MANBAL: variants seen among roughly 807,000 people sequenced by gnomAD.
The protein encoded by MANBAL is protein MANBAL.
MANBAL carries 1 observed loss-of-function variant against 6.4 expected under a neutral mutation model. The observed-to-expected ratio is 0.16, with a 90% CI of 0.06 to 0.74. The LOEUF (loss-of-function observed/expected upper bound fraction) is 0.74, where lower values mean the gene tolerates loss of function less well. MANBAL is among the 30% of genes least tolerant of loss of function. MANBAL has a pLI of 0.78. For synonymous variants in MANBAL, 47 were observed against 45.8 expected (o/e 1.03, Z -0.10); for missense variants, 100 against 107.8 (o/e 0.93, Z 0.32).
Position 37,301,387 on chromosome 20 carries a change from G to C in MANBAL, c.124G>C (p.Val42Leu). 2 of 1,612,486 alleles carry C rather than the reference G, an allele frequency of 1.2e-6. No individual in the cohort carries two copies. The highest frequency in any genetic ancestry group is 1.7e-6 in the Non-Finnish European group (2 of 1,179,008). Residue 42 changes from valine (V) to leucine (L), a missense_variant, in exon 2 of 3, where the codon GTA (valine) becomes CTA (leucine). Physicochemically the swap from Val to Leu is conservative, Grantham distance 32 (BLOSUM62 1). Coordinates refer to ENST00000373606, the MANE Select transcript of MANBAL (RefSeq NM_001003897.2). The stretch of plus-strand genomic sequence containing the variant: ...GCTCATCTGTGTGCTGGCCATCATC[G>C]TACCCATTCCCAAGTCCCACGAGGC... ...FQLICVLAII[V>L]PIPKSHEAEA...
Position 37,301,398 on chromosome 20 carries a change from C to G in MANBAL, c.135C>G (p.Pro45=). ...TGCTGGCCATCATCGTACCCATTCC[C>G]AAGTCCCACGAGGCGGTGAGTTTTT... The part of the protein sequence containing the change: ...ICVLAIIVPI[P]KSHEAEAEPS... The change falls in exon 2 of 3, where the codon CCC becomes CCG. Residue 45 remains proline, a synonymous_variant. Coordinates refer to ENST00000373606, the MANE Select transcript of MANBAL (RefSeq NM_001003897.2). 1 of 1,612,106 alleles carries G rather than the reference C, an allele frequency of 6.2e-7. No individual in the cohort carries two copies. Among genetic ancestry groups the G allele is most frequent in the African/African-American group, 1.3e-5 (1 of 74,962 alleles).
At chr20:37,314,068 G>T (rs1246287849) in intron 2 of MANBAL, among the ~76,000 whole-genome samples, 1 of 152,216 alleles carries the variant, frequency 6.6e-6, no homozygotes, top group Non-Finnish European at 1.5e-5. Context: ...TTTCGTGGGT[G>T]CATGAGGAAT....
Position 37,311,826 on chromosome 20 carries a change from G to A in MANBAL, c.151-4482G>A, listed in dbSNP as rs187759739. Among the ~76,000 whole-genome samples the A allele has an allele frequency of 8.5e-5, 13 of 152,228 alleles. No individual in the cohort carries two copies. In the East Asian group the frequency reaches 2.3e-3, roughly 27 times the overall value. ...TAGGAAAATCGACTCTGAAAGGAAC[G>A]TAAAGTAAACTCTGACGAGCATGGG... On this transcript the variant is annotated intron_variant, in intron 2 of 2. Coordinates refer to ENST00000373606, the MANE Select transcript of MANBAL (RefSeq NM_001003897.2).
At chr20:37,313,698 C>T (rs1276880094) in intron 2 of MANBAL, among the ~76,000 whole-genome samples, 1 of 152,154 alleles carries the variant, frequency 6.6e-6, no homozygotes, top group East Asian at 1.9e-4. Context: ...AGAGTGAGAC[C>T]TTGTCTTAAA....
At chr20:37,297,724 C>T (rs1198810788) in intron 1 of MANBAL, among the ~76,000 whole-genome samples, 1 of 151,658 alleles carries the variant, frequency 6.6e-6, no homozygotes, top group Non-Finnish European at 1.5e-5. Flanking sequence ...CCCACTGCAA[C>T]CTCCGTCTCC....
chr20:37,306,958 T>G (rs2069273071), intron 2 of MANBAL, among the ~76,000 whole-genome samples: 1 of 152,102 alleles, frequency 6.6e-6, no homozygotes, highest in East Asian at 1.9e-4. Flanking sequence ...CTTGGATCAG[T>G]ATTTTCTTTT....
chr20:37,292,192 T>G (rs1187593341), intron 1 of MANBAL, among the ~76,000 whole-genome samples: 3 of 152,212 alleles, frequency 2.0e-5, no homozygotes, highest in Non-Finnish European at 4.4e-5. Context: ...TTATGCCCCA[T>G]GCTTAAAGGC....
chr20:37,314,758 G>A (rs185222623), intron 2 of MANBAL, among the ~76,000 whole-genome samples: 11 of 152,134 alleles, frequency 7.2e-5, no homozygotes, highest in African/African-American at 1.2e-4. Context: ...TGGTTATCTC[G>A]CCTGGCTGAT....
At chr20:37,311,227 G>A (rs2069379154) in intron 2 of MANBAL, among the ~76,000 whole-genome samples, 1 of 152,234 alleles carries the variant, frequency 6.6e-6, no homozygotes, top group Non-Finnish European at 1.5e-5. Context: ...CATGTACTGG[G>A]TGCAGGTAGA....
intron 1 of MANBAL, chr20:37,297,207 G>C (rs947753976): frequency 1.3e-5 from 2 of 152,140 alleles, no homozygotes; most frequent in African/African-American, 4.8e-5. Flanking sequence ...ATTCACTTCA[G>C]GGCCAGTTTA....
chr20:37,293,946 T>A (rs951192520), intron 1 of MANBAL, among the ~76,000 whole-genome samples: 16 of 152,162 alleles, frequency 1.1e-4, no homozygotes, highest in African/African-American at 3.9e-4. Context: ...CCTGACTTCA[T>A]GCGTGTGTAT....
intron 1 of MANBAL, chr20:37,297,489 A>T (rs2069023746): frequency 6.6e-6 from 1 of 152,218 alleles, no homozygotes; most frequent in Non-Finnish European, 1.5e-5. Context: ...CCCCAGGCAC[A>T]TGACCTTCTG....
chr20:37,300,060 G>C (rs937542604), intron 1 of MANBAL, among the ~76,000 whole-genome samples: 3 of 152,176 alleles, frequency 2.0e-5, no homozygotes, highest in African/African-American at 7.2e-5. Context: ...GGCTCTCCCT[G>C]TGTCCACTTT....
intron 2 of MANBAL, among the ~76,000 whole-genome samples, chr20:37,311,942 G>T (rs1005091912): frequency 6.6e-6 from 1 of 152,228 alleles, no homozygotes; most frequent in African/African-American, 2.4e-5. Context: ...GCAGTGGAGT[G>T]TGTCCAGAGG....
Position 37,294,825 on chromosome 20 carries a change from A to G in MANBAL, c.-57+5139A>G, listed in dbSNP as rs531118261. Reference sequence around the variant, plus strand: ...ACTGAATGGAAACTCCGTGGCAGGGATTAGACCAGTGCCTGGCACATAGTA... The same window carrying G: ...ACTGAATGGAAACTCCGTGGCAGGGGTTAGACCAGTGCCTGGCACATAGTA... On this transcript the variant is annotated intron_variant, in intron 1 of 2. Coordinates refer to ENST00000373606, the MANE Select transcript of MANBAL (RefSeq NM_001003897.2). Among the ~76,000 whole-genome samples, 9 of 152,302 alleles carry G rather than the reference A, an allele frequency of 5.9e-5. No individual in the cohort carries two copies. In the East Asian group the frequency reaches 1.2e-3, roughly 20 times the overall value.
At chr20:37,300,373 C>T (rs915240850) in intron 1 of MANBAL, among the ~76,000 whole-genome samples, 10 of 152,158 alleles carry the variant, frequency 6.6e-5, no homozygotes, top group Admixed American at 2.0e-4. Context: ...ACTCCATTCC[C>T]GTCTCTGTTC....
chr20:37,292,976 T>C, intron 1 of MANBAL, among the ~76,000 whole-genome samples: 1 of 152,210 alleles, frequency 6.6e-6, no homozygotes. Flanking sequence ...TACGTATATA[T>C]GCACAGATCT....
At position 37,307,991 on chromosome 20, in the gene MANBAL, T is replaced by C. The variant is rs1276130665; in HGVS notation, c.150+6578T>C. The stretch of plus-strand genomic sequence containing the variant: ...TCCGGAAGTGGTGGGAACTGGGACT[T>C]ACTGCTCCTCACTGGCATGCCCTCT... On this transcript the variant is annotated intron_variant, in intron 2 of 2. Transcript: ENST00000373606. Among the ~76,000 whole-genome samples, 4 of 152,172 alleles carry C rather than the reference T, an allele frequency of 2.6e-5. No homozygotes were observed. The East Asian group carries it at 7.7e-4, about 29-fold the overall frequency.
intron 2 of MANBAL, among the ~76,000 whole-genome samples, chr20:37,305,521 C>T: frequency 6.6e-6 from 1 of 152,132 alleles, no homozygotes; most frequent in Middle Eastern, 3.2e-3. Flanking sequence ...ATCATACCCC[C>T]CTACCCACTG....
Sources: allele counts gnomAD v4.1 joint callset (sites outside exome capture counted in the v4.1 genomes callset), GRCh38; gene constraint gnomAD v4.1.1; transcripts MANE v1.5; gene names NCBI Gene and HGNC (gene_info 2026-07-23, HGNC 2026-07-21).